Variants in KRT14 observed in about 807,000 individuals in gnomAD.
KRT14 encodes the protein keratin 14.
KRT14 carries 30 observed loss-of-function variants against 44.5 expected under a neutral mutation model. That is an observed-to-expected ratio of 0.67 (90% CI 0.50 to 0.92). KRT14 has a LOEUF of 0.92. Ranked by LOEUF, KRT14 falls within the 40% of genes least tolerant of loss-of-function variation. The pLI is 0.00. For missense variants in KRT14, 535 were observed against 640.6 expected (o/e 0.84, Z 1.78); for synonymous variants, 241 against 257.6 (o/e 0.94, Z 0.62).
In KRT14 at chr17:41,583,221, G is replaced by A. The variant is rs1283995992; in HGVS notation, c.1274+14C>T. The A allele has an allele frequency of 6.8e-6, 11 of 1,613,312 alleles. No individual in the cohort carries two copies. The highest frequency in any genetic ancestry group is 2.2e-5 in the East Asian group (1 of 44,864). On this transcript the variant is annotated intron_variant, in intron 6 of 7. Coordinates refer to ENST00000167586, the MANE Select transcript of KRT14 (RefSeq NM_000526.5). ...CCATGGGGGGGGCGGACTAAGGGGA[G>A]GGCCAAGACTCACTGGGCGTCCTCG...
Position 41,583,821 on chromosome 17 carries a change from T to C in KRT14, c.866A>G (p.Asp289Gly). ...DLSRILNEMR[D>G]QYEKMAEKNR... ...CTTCTCTGCCATCTTCTCATACTGG[T>C]CACGCATCTCGTTCAGAATGCGGCT... Residue 289 changes from aspartate to glycine, a missense_variant, in exon 4 of 8, where the codon GAC becomes GGC. By Grantham distance (94) the Asp-to-Gly change is moderately conservative. Transcript: ENST00000167586. 1 of 1,614,214 alleles carries C rather than the reference T, an allele frequency of 6.2e-7. No individual in the cohort carries two copies.
At chr17:41,585,564 G>A (rs752865106) in intron 1 of KRT14, among the ~76,000 whole-genome samples, 1 of 152,180 alleles carries the variant, frequency 6.6e-6, no homozygotes, top group Non-Finnish European at 1.5e-5. Context: ...GAGGACTCAG[G>A]GGAAGAATAA....
rs201261098 is a variant in KRT14 at position 41,583,903 on chromosome 17, C to T, written c.784G>A (p.Gly262Ser). 1.2e-6 allele frequency: 2 copies of T among 1,613,896 alleles called. No homozygotes were observed. Among genetic ancestry groups the T allele is most frequent in the East Asian group, 2.2e-5 (1 of 44,870 alleles). Reference sequence around the variant, plus strand: ...ACATTGACATCTCCACCCACCTGGCCTCTCAGGGCATTCATCTCCTGCACA... The same window carrying T: ...ACATTGACATCTCCACCCACCTGGCTTCTCAGGGCATTCATCTCCTGCACA... ...NHEEEMNALR[G>S]QVGGDVNVEM... Residue 262 changes from glycine (G) to serine (S), a missense_variant, in exon 4 of 8, where the codon GGC becomes AGC. Physicochemically the swap from Gly to Ser is moderately conservative, Grantham distance 56. Transcript: ENST00000167586.
Position 41,584,376 on chromosome 17 carries a change from C to G in KRT14, c.646G>C (p.Ala216Pro). Residue 216 changes from alanine (A) to proline (P), a missense_variant, in exon 3 of 8, where the codon GCC becomes CCC. Transcript: ENST00000167586. ...ACCCTGCGCAGGCCATTGATGTCGGCTTCCACACTCATGCGCAGGTTCAAC... is the reference window on the plus strand; with the variant it reads ...ACCCTGCGCAGGCCATTGATGTCGGGTTCCACACTCATGCGCAGGTTCAAC... Reference protein sequence around the residue: ...TELNLRMSVEADINGLRRVLD... With the variant: ...TELNLRMSVEPDINGLRRVLD... The G allele has an allele frequency of 6.2e-7, 1 of 1,614,102 alleles. No individual in the cohort carries two copies. Among genetic ancestry groups the G allele is most frequent in the South Asian group, 1.1e-5 (1 of 91,078 alleles).
Position 41,582,321 on chromosome 17 carries a change from G to A in KRT14, c.*114C>T. ...TGAAGCTGTATTGATTGCCAGGAGGGGGTGAGGGTGAAGCAGGGTCCAGCT... is the reference window on the plus strand; with the variant it reads ...TGAAGCTGTATTGATTGCCAGGAGGAGGTGAGGGTGAAGCAGGGTCCAGCT... On this transcript the variant is annotated 3_prime_UTR_variant, in exon 8 of 8. Transcript: ENST00000167586. The A allele has an allele frequency of 1.4e-6, 1 of 737,942 alleles. No homozygotes were observed. Among genetic ancestry groups the A allele is most frequent in the East Asian group, 2.7e-5 (1 of 36,908 alleles). The allele number at this position is 737,942 out of a possible 1,614,324, so 45.7% of individuals were successfully genotyped here.
rs60831116 is a variant in KRT14, at chr17:41,586,781, G to T, written c.54C>A (p.Cys18Ter). Residue 18 changes from cysteine (C) to a stop codon, truncating the protein, a stop_gained, in exon 1 of 8, where the codon TGC (cysteine) becomes TGA (stop). Coordinates refer to ENST00000167586, the MANE Select transcript of KRT14 (RefSeq NM_000526.5). LOFTEE classifies it high-confidence loss of function. ...FTSSSSMKGSCGIGGGIGGGS... is the reference protein window; with the variant it reads ...FTSSSSMKGS ...CGCCCCCGATGCCGCCCCCGATGCCGCAGGAGCCCTTCATGGAGCTGGAGG... is the reference window on the plus strand; with the variant it reads ...CGCCCCCGATGCCGCCCCCGATGCCTCAGGAGCCCTTCATGGAGCTGGAGG... 1 of 1,588,064 alleles carries T rather than the reference G, an allele frequency of 6.3e-7. No individual in the cohort carries two copies. Among genetic ancestry groups the T allele is most frequent in the Non-Finnish European group, 8.6e-7 (1 of 1,169,220 alleles).
rs1158206574 is a variant in KRT14 at position 41,582,471 on chromosome 17, C to T, written c.1383G>A (p.Val461=). ...KVMDVHDGKV[V]STHEQVLRTK... is the part of the protein sequence containing the mutation. ...TGCGAAGGACCTGCTCGTGGGTGGACACCACCTTGCCATCGTGCACATCCA... is the reference window on the plus strand; with the variant it reads ...TGCGAAGGACCTGCTCGTGGGTGGATACCACCTTGCCATCGTGCACATCCA... Residue 461 remains valine, a synonymous_variant, in exon 8 of 8, where the codon GTG becomes GTA. Transcript: ENST00000167586. 1.9e-6 allele frequency: 3 copies of T among 1,572,414 alleles called. No individual in the cohort carries two copies. Among genetic ancestry groups the T allele is most frequent in the African/African-American group, 1.4e-5 (1 of 73,952 alleles).
intron 7 of KRT14, 104 bp downstream of exon 7, chr17:41,582,990 G>A: frequency 2.7e-6 from 3 of 1,116,052 alleles, no homozygotes; most frequent in Admixed American, 1.8e-5. Flanking sequence ...CTGGGTGACA[G>A]CACTAGAGCT....
At chr17:41,586,169 A>G (rs2144585623) in intron 1 of KRT14, 141 bp downstream of exon 1, 7 of 1,034,076 alleles carry the variant, frequency 6.8e-6, no homozygotes, top group Non-Finnish European at 1.0e-5. Context: ...GATCAGTCTT[A>G]GGGCATCCAA....
chr17:41,583,613 T>C lies in KRT14; in HGVS notation c.991A>G (p.Ile331Val). The change falls in exon 5 of 8, where the codon ATC (isoleucine) becomes GTC (valine). Residue 331 changes from isoleucine (I) to valine (V), a missense_variant. Coordinates refer to ENST00000167586, the MANE Select transcript of KRT14 (RefSeq NM_000526.5). ...SELVQSGKSE[I>V]SELRRTMQNL... ...TGCATGGTGCGCCGGAGCTCCGAGA[T>C]CTCGCTCTTGCCGCTCTGCACCAGC... 2 of 1,614,148 alleles carry C rather than the reference T, an allele frequency of 1.2e-6. No individual in the cohort carries two copies. Among genetic ancestry groups the C allele is most frequent in the Non-Finnish European group, 1.7e-6 (2 of 1,180,034 alleles).
Position 41,582,368 on chromosome 17 carries a change from G to A in KRT14, c.*67C>T. ...AGCTGTGAAGTGCTTGGGCAGGAGA[G>A]GGGATCTTCCAGTGGGATCTGTGTC... On this transcript the variant is annotated 3_prime_UTR_variant, in exon 8 of 8. Transcript: ENST00000167586. The A allele has an allele frequency of 2.4e-6, 3 of 1,240,526 alleles. No homozygotes were observed. Among genetic ancestry groups the A allele is most frequent in the East Asian group, 2.5e-5 (1 of 39,352 alleles). 76.8% of individuals were successfully genotyped at this position (1,240,526 alleles called of 1,614,324 possible). A position where few individuals can be genotyped will look rare whatever the true frequency, so the allele number is the denominator to read the frequency against.
chr17:41,585,153 C>G (rs1907487377), intron 1 of KRT14, 96 bp from the exon 2 acceptor site: 1 of 935,782 alleles, frequency 1.1e-6, no homozygotes, highest in African/African-American at 1.6e-5. Context: ...ATGTTCTTGC[C>G]TGAATCCCCC....
In KRT14 at chr17:41,586,330, T is replaced by C; in HGVS notation, c.505A>G (p.Ile169Val). The C allele has an allele frequency of 6.2e-7, 1 of 1,612,408 alleles. No homozygotes were observed. The highest frequency in any genetic ancestry group is 1.1e-5 in the South Asian group (1 of 91,012). ...CCCACCTTGTTCCTCAGGTCCTCAA[T>C]GGTCTTGAAGTAGGGACTGTAGTCT... ...IKDYSPYFKT[I>V]EDLRNKILTA... The change falls in exon 1 of 8, where the codon ATT (isoleucine) becomes GTT (valine). Residue 169 changes from isoleucine (I) to valine (V), a missense_variant. Transcript: ENST00000167586.
intron 3 of KRT14, 130 bp from the exon 4 acceptor site, chr17:41,584,051 ATCTCTCTCTC>A: frequency 2.3e-6 from 1 of 431,598 alleles, no homozygotes; most frequent in Non-Finnish European, 3.7e-6. Flanking sequence ...CTCTCTCTCA[ATCTCTCTCTC>A]TCTCTCTCTT....
chr17:41,585,830 C>G (rs1856254827), intron 1 of KRT14, among the ~76,000 whole-genome samples: 1 of 152,244 alleles, frequency 6.6e-6, no homozygotes, highest in Non-Finnish European at 1.5e-5. Context: ...CCAGCCTGTA[C>G]CAAGGCTTAT....
At position 41,583,907 on chromosome 17, in the gene KRT14, C is replaced by G; in HGVS notation, c.780G>C (p.Leu260=). 3.7e-6 allele frequency: 6 copies of G among 1,613,928 alleles called. No homozygotes were observed. Among genetic ancestry groups the G allele is most frequent in the Non-Finnish European group, 5.1e-6 (6 of 1,179,876 alleles). ...TGACATCTCCACCCACCTGGCCTCTCAGGGCATTCATCTCCTGCACAGCCA... is the reference window on the plus strand; with the variant it reads ...TGACATCTCCACCCACCTGGCCTCTGAGGGCATTCATCTCCTGCACAGCCA... ...KKNHEEEMNA[L]RGQVGGDVNV... Residue 260 remains leucine (L), a synonymous_variant, in exon 4 of 8, where the codon CTG becomes CTC. Transcript: ENST00000167586.
rs540710413 is a variant in KRT14 at position 41,583,712 on chromosome 17, C to T, written c.928-36G>A. 2.5e-6 allele frequency: 4 copies of T among 1,614,208 alleles called. No individual in the cohort carries two copies. In the East Asian group the frequency reaches 8.9e-5, roughly 36 times the overall value. ...GAGAATGCCATTCACACCAGAAGGC[C>T]CCAGAAGGCAGGTGGTCTGGGTTCC... On this transcript the variant is annotated intron_variant, in intron 4 of 7. Coordinates refer to ENST00000167586, the MANE Select transcript of KRT14 (RefSeq NM_000526.5).
intron 1 of KRT14, among the ~76,000 whole-genome samples, chr17:41,585,815 A>C (rs764244935): frequency 9.2e-5 from 14 of 152,190 alleles, no homozygotes; most frequent in Non-Finnish European, 1.2e-4. Flanking sequence ...GGCTGTGGGG[A>C]GGGACCAGCC....
At chr17:41,584,913 C>T (rs1907476465) in intron 2 of KRT14, 62 bp downstream of exon 2, 1 of 1,282,828 alleles carries the variant, frequency 7.8e-7, no homozygotes, top group African/African-American at 1.5e-5. Context: ...TTGGGAAACA[C>T]TGCTCCAAAA....
Sources: allele counts gnomAD v4.1 joint callset (sites outside exome capture counted in the v4.1 genomes callset), GRCh38; gene constraint gnomAD v4.1.1; transcripts MANE v1.5; gene names NCBI Gene and HGNC (gene_info 2026-07-23, HGNC 2026-07-21).